The following RBBP6 variants were observed in gnomAD, a reference collection of about 807,000 sequenced individuals.
RBBP6 encodes RB binding protein 6, ubiquitin ligase.
RBBP6 carries 25 observed loss-of-function variants against 167.7 expected under a neutral mutation model. The ratio of observed to expected loss-of-function variants is 0.15; its 90% CI spans 0.11 to 0.21. RBBP6 has a LOEUF of 0.21. Among genes scored for constraint, RBBP6 ranks in the 10% least tolerant of loss-of-function variants. RBBP6 has a pLI of 1.00. For missense variants in RBBP6, 1,868 were observed against 2,134.2 expected, an observed-to-expected ratio of 0.88 and a Z score of 2.46; for synonymous variants, 789 against 735.8, an observed-to-expected ratio of 1.07 and a Z score of -1.17.
In RBBP6 at chr16:24,562,013, G is replaced by T; in HGVS notation, c.1141G>T (p.Ala381Ser). ...AGTGACATCTTCATCAACTCACCCAGCTCCGTCTATATCTTCATTAACTTC... is the reference window on the plus strand; with the variant it reads ...AGTGACATCTTCATCAACTCACCCATCTCCGTCTATATCTTCATTAACTTC... ...IPVTSSSTHPAPSISSLTSNQ... is the reference protein window; with the variant it reads ...IPVTSSSTHPSPSISSLTSNQ... The change falls in exon 10 of 18, where the codon GCT becomes TCT. Residue 381 changes from alanine (A) to serine (S), a missense_variant. Physicochemically the swap from Ala to Ser is moderately conservative, Grantham distance 99 (BLOSUM62 1). This residue lies in a region of RBBP6 where 245 missense variants were observed against 240.1 expected (regional missense o/e 1.02). Transcript: ENST00000319715. The T allele has an allele frequency of 6.2e-7, 1 of 1,613,338 alleles. No homozygotes were observed. The highest frequency in any genetic ancestry group is 8.5e-7 in the Non-Finnish European group (1 of 1,179,526).
intron 3 of RBBP6, chr16:24,553,225 G>A (rs1296487195): frequency 3.3e-6 from 1 of 301,078 alleles, no homozygotes; most frequent in Non-Finnish European, 6.3e-6. Context: ...AGGGAGATAT[G>A]GGACTCCTAG....
chr16:24,554,227 G>A (rs1254073319), intron 4 of RBBP6: 4 of 151,822 alleles, frequency 2.6e-5, no homozygotes, highest in Admixed American at 2.6e-4. Context: ...GCTCAACAAT[G>A]TGTATCTTCT....
Position 24,571,786 on chromosome 16 carries a change from T to G in RBBP6, c.4720T>G (p.Leu1574Val). The G allele has an allele frequency of 6.2e-7, 1 of 1,613,934 alleles. No individual in the cohort carries two copies. The highest frequency in any genetic ancestry group is 8.5e-7 in the Non-Finnish European group (1 of 1,179,876). The change falls in exon 18 of 18, where the codon TTA (leucine) becomes GTA (valine). Residue 1574 changes from leucine to valine, a missense_variant. Leu to Val is a conservative substitution (Grantham distance 32, BLOSUM62 1). This residue lies in a region of RBBP6 where 591 missense variants were observed against 540.5 expected (regional missense o/e 1.09). Coordinates refer to ENST00000319715, the MANE Select transcript of RBBP6 (RefSeq NM_006910.5). ...TTGTAAGGATCGTGAGAAGCATGTATTAGAAGCAAGGAACAATAAAGAGTC... is the reference window on the plus strand; with the variant it reads ...TTGTAAGGATCGTGAGAAGCATGTAGTAGAAGCAAGGAACAATAAAGAGTC... ...NPCKDREKHV[L>V]EARNNKESSG...
rs1256229427 is a variant in RBBP6 at position 24,561,722 on chromosome 16, G to A, written c.951+7G>A. On this transcript the variant is annotated splice_region_variant and intron_variant, in intron 9 of 17. Coordinates refer to ENST00000319715, the MANE Select transcript of RBBP6 (RefSeq NM_006910.5). ...CAATAAATTTTTACGACAGGTAACT[G>A]TCTGTATCCATTTTATGAAAAAATT... 2.5e-6 allele frequency: 4 copies of A among 1,611,944 alleles called. No homozygotes were observed. The South Asian group carries it at 3.3e-5, about 13-fold the overall frequency.
chr16:24,555,570 A>C, intron 4 of RBBP6, 45 bp from the exon 5 acceptor site: 1 of 1,459,918 alleles, frequency 6.8e-7, no homozygotes, highest in Non-Finnish European at 9.5e-7. Flanking sequence ...GTGTGGTCTT[A>C]AATGTGTTTC....
chr16:24,555,805 T>A lies in RBBP6; in HGVS notation c.438-16T>A, dbSNP rs761239197. 3 of 1,592,848 alleles carry A rather than the reference T, an allele frequency of 1.9e-6. No individual in the cohort carries two copies. The highest frequency in any genetic ancestry group is 2.7e-5 in the African/African-American group (2 of 74,508). On this transcript the variant is annotated splice_polypyrimidine_tract_variant and intron_variant, in intron 5 of 17. Transcript: ENST00000319715. ...CAAAGTCCTCGTATACATGTAATTT[T>A]TTTTCCCCCTTTTAGTTACATGAAG...
At position 24,555,924 on chromosome 16, in the gene RBBP6, T is replaced by A. The variant is rs1363776794; in HGVS notation, c.534+7T>A. ...GAATTGCCCAACAAATGGGGTAAGTTCAAAGCAGAAACTATGGTATATCTT... is the reference window on the plus strand; with the variant it reads ...GAATTGCCCAACAAATGGGGTAAGTACAAAGCAGAAACTATGGTATATCTT... On this transcript the variant is annotated splice_region_variant and intron_variant, in intron 6 of 17. Transcript: ENST00000319715. 2 of 1,558,472 alleles carry A rather than the reference T, an allele frequency of 1.3e-6. No homozygotes were observed. Among genetic ancestry groups the A allele is most frequent in the Non-Finnish European group, 1.8e-6 (2 of 1,129,600 alleles).
At chr16:24,560,838 T>G (rs563352588) in intron 8 of RBBP6, among the ~76,000 whole-genome samples, 1 of 152,298 alleles carries the variant, frequency 6.6e-6, no homozygotes, top group South Asian at 2.1e-4. Flanking sequence ...TTTGGGGCAG[T>G]TGAGTGACTT....
At chr16:24,549,437 TG>T in intron 3 of RBBP6, 1 of 944,610 alleles carries the variant, frequency 1.1e-6, no homozygotes, top group Non-Finnish European at 1.3e-6. Context: ...ACTTAGTTTT[TG>T]TTAGTTTTTT....
At chr16:24,565,282 TC>T (rs1421031784) in intron 14 of RBBP6, among the ~76,000 whole-genome samples, 1 of 152,176 alleles carries the variant, frequency 6.6e-6, no homozygotes, top group African/African-American at 2.4e-5. Flanking sequence ...ACTGTCCCAA[TC>T]ATCTCCCACC....
chr16:24,548,957 A>G lies in RBBP6; in HGVS notation c.279A>G (p.Glu93=), dbSNP rs953410337. The change falls in exon 3 of 18, where the codon GAA becomes GAG. Residue 93 remains glutamate (E), a synonymous_variant. Coordinates refer to ENST00000319715, the MANE Select transcript of RBBP6 (RefSeq NM_006910.5). ...TTTTGTGTTTTAGAAGTCGAACTGA[A>G]CCAGCGATGGCAACTACAAAAGCAG... The part of the protein sequence containing the change: ...TSKTYVISRT[E]PAMATTKAID... The G allele has an allele frequency of 1.9e-6, 3 of 1,610,400 alleles. No individual in the cohort carries two copies. The highest frequency in any genetic ancestry group is 2.5e-6 in the Non-Finnish European group (3 of 1,177,954).
Position 24,569,594 on chromosome 16 carries a change from A to G in RBBP6, c.2904A>G (p.Glu968=). Residue 968 remains glutamate, a synonymous_variant, in exon 17 of 18, where the codon GAA becomes GAG. Coordinates refer to ENST00000319715, the MANE Select transcript of RBBP6 (RefSeq NM_006910.5). ...RKSREPTGVE[E]NKTDSLFVLP... ...CAAGAGAACCTACAGGTGTTGAAGA[A>G]AATAAAACAGACTCATTGTTTGTTC... 6.2e-7 allele frequency: 1 copy of G among 1,612,388 alleles called. No individual in the cohort carries two copies. Among genetic ancestry groups the G allele is most frequent in the Non-Finnish European group, 8.5e-7 (1 of 1,179,620 alleles).
Position 24,555,692 on chromosome 16 carries a change from C to T in RBBP6, c.426C>T (p.Tyr142=), listed in dbSNP as rs763639576. The T allele has an allele frequency of 1.2e-5, 20 of 1,613,014 alleles. No individual in the cohort carries two copies. The highest frequency in any genetic ancestry group is 1.7e-4 in the Middle Eastern group (1 of 6,052). The part of the protein sequence containing the change: ...KAMMSQSGHE[Y]DPINYMKKPL... ...TGATGTCGCAATCTGGCCATGAATA[C>T]GACCCAATCAAGTAAGTTCATAAAT... Residue 142 remains tyrosine (Y), a synonymous_variant, in exon 5 of 18, where the codon TAC becomes TAT. Coordinates refer to ENST00000319715, the MANE Select transcript of RBBP6 (RefSeq NM_006910.5).
At chr16:24,552,490 T>C (rs1188521876) in intron 3 of RBBP6, among the ~76,000 whole-genome samples, 1 of 151,874 alleles carries the variant, frequency 6.6e-6, no homozygotes, top group African/African-American at 2.4e-5. Context: ...TGTAGGGAAA[T>C]CATATCTTCA....
At chr16:24,544,958 T>A (rs1898602897) in intron 1 of RBBP6, among the ~76,000 whole-genome samples, 2 of 152,158 alleles carry the variant, frequency 1.3e-5, no homozygotes, top group South Asian at 4.1e-4. Context: ...AAACATTCTG[T>A]CTTTATTTCT....
intron 16 of RBBP6, among the ~76,000 whole-genome samples, chr16:24,568,236 G>T (rs1899240426): frequency 6.6e-6 from 1 of 152,298 alleles, no homozygotes; most frequent in South Asian, 2.1e-4. Flanking sequence ...ACAGCTTCTT[G>T]CTGGAACATT....
Position 24,540,426 on chromosome 16 carries a change from A to C in RBBP6, c.-201A>C, listed in dbSNP as rs985911005. 8 of 469,150 alleles carry C rather than the reference A, an allele frequency of 1.7e-5. No homozygotes were observed. In the East Asian group the frequency reaches 2.8e-4, roughly 16 times the overall value. The allele number at this position is 469,150 out of a possible 1,614,324, so 29.1% of individuals were successfully genotyped here. A position where few individuals can be genotyped will look rare whatever the true frequency, so the allele number is the denominator to read the frequency against. Reference sequence around the variant, plus strand: ...CGTCCTCCTCCTCCCCCATGAAGTGATTCTGAGTATCGGGGGGTCTCTGGA... The same window carrying C: ...CGTCCTCCTCCTCCCCCATGAAGTGCTTCTGAGTATCGGGGGGTCTCTGGA... On this transcript the variant is annotated 5_prime_UTR_variant, in exon 1 of 18. The change abolishes the stop of an existing upstream ORF in the 5' untranslated region. Transcript: ENST00000319715.
intron 2 of RBBP6, among the ~76,000 whole-genome samples, chr16:24,547,587 C>T (rs1220461721): frequency 9.2e-5 from 14 of 152,112 alleles, no homozygotes. Flanking sequence ...TCCCAAGTAG[C>T]CAGGATTATG....
intron 3 of RBBP6, among the ~76,000 whole-genome samples, chr16:24,549,967 A>T (rs962045671): frequency 9.2e-5 from 14 of 152,008 alleles, no homozygotes; most frequent in African/African-American, 3.1e-4. Context: ...AAGTAGCAGC[A>T]TTCCTAAGTT....
Sources: allele counts gnomAD v4.1 joint callset (sites outside exome capture counted in the v4.1 genomes callset), GRCh38; gene constraint gnomAD v4.1.1; regional missense constraint gnomAD v4.1.1; transcripts MANE v1.5; gene names NCBI Gene and HGNC (gene_info 2026-07-23, HGNC 2026-07-21).